SPAG17: variants seen among roughly 807,000 people sequenced by gnomAD.
SPAG17 encodes the protein sperm associated antigen 17.
In SPAG17, 169 loss-of-function variants were observed where a neutral mutation model predicts 273.6. The ratio of observed to expected loss-of-function variants is 0.62; its 90% CI spans 0.55 to 0.70. The LOEUF (loss-of-function observed/expected upper bound fraction) is 0.70. Among genes scored for constraint, SPAG17 ranks in the 30% least tolerant of loss-of-function variants. The pLI is 0.00. For missense variants in SPAG17, 2,557 were observed against 2,627.8 expected, an observed-to-expected ratio of 0.97 and a Z score of 0.59; for synonymous variants, 825 against 873.2, an observed-to-expected ratio of 0.94 and a Z score of 0.97.
intron 46 of SPAG17, among the ~76,000 whole-genome samples, chr1:117,967,296 CAAAAAAAA>C (rs5777330): frequency 1.2e-5 from 1 of 86,068 alleles, no homozygotes; most frequent in South Asian, 3.7e-4. Context: ...AACTCCATCT[CAAAAAAAA>C]AAAAAAAAAA....
At chr1:118,055,660 G>T in intron 19 of SPAG17, 73 bp downstream of exon 19, 1 of 1,248,496 alleles carries the variant, frequency 8.0e-7, no homozygotes, top group Non-Finnish European at 1.1e-6. Flanking sequence ...AATATTCACA[G>T]TCTTGATTAA....
chr1:118,173,055 TA>T lies in SPAG17; in HGVS notation c.87+12015del, dbSNP rs539529756. Among the ~76,000 whole-genome samples, 340 of 150,930 alleles carry T rather than the reference TA, an allele frequency of 2.3e-3. 1 individual carries two copies. Among genetic ancestry groups the T allele is most frequent in the Non-Finnish European group, 1.7e-3 (112 of 67,718 alleles). On this transcript the variant is annotated intron_variant, in intron 1 of 48. Transcript: ENST00000336338. ...AATGAAAAAGAAAATCAGAATTTAT[TA>T]AAAAAAAATCTTAGATCAGAGTGAC...
At chr1:117,973,799 G>A (rs1654836378) in intron 43 of SPAG17, among the ~76,000 whole-genome samples, 2 of 152,086 alleles carry the variant, frequency 1.3e-5, no homozygotes, top group Admixed American at 1.3e-4. Flanking sequence ...GTATGCGATA[G>A]GACATTTTTC....
chr1:118,050,208 C>T lies in SPAG17; in HGVS notation c.2814+3794G>A, dbSNP rs964604825. Among the ~76,000 whole-genome samples, 3 of 152,148 alleles carry T rather than the reference C, an allele frequency of 2.0e-5. No homozygotes were observed. In the South Asian group the frequency reaches 6.2e-4, roughly 32 times the overall value. On this transcript the variant is annotated intron_variant, in intron 20 of 48. Transcript: ENST00000336338. ...GAATCATGGGAGAAGTGATGCAAGA[C>T]CCTGGAAGTATGCCAACATTTAAAA...
intron 1 of SPAG17, among the ~76,000 whole-genome samples, chr1:118,166,706 T>C (rs571989949): frequency 9.8e-5 from 15 of 152,320 alleles, no homozygotes; most frequent in South Asian, 4.1e-4. Flanking sequence ...GTTTGAGCTA[T>C]TGCAGGTGCT....
chr1:118,150,542 C>A lies in SPAG17; in HGVS notation c.315+1G>T. On this transcript the variant is annotated splice_donor_variant, in intron 3 of 48. Coordinates refer to ENST00000336338, the MANE Select transcript of SPAG17 (RefSeq NM_206996.4). LOFTEE classifies it high-confidence loss of function. ...TATCTTCTATAAACACTTTCACTTA[C>A]CTCATAATATAAAGGAGCATTACCA... 6.6e-7 allele frequency: 1 copy of A among 1,514,390 alleles called. No homozygotes were observed. The highest frequency in any genetic ancestry group is 1.2e-5 in the South Asian group (1 of 82,120). 93.8% of individuals were successfully genotyped at this position (1,514,390 alleles called of 1,614,324 possible).
intron 18 of SPAG17, among the ~76,000 whole-genome samples, chr1:118,062,325 C>A (rs1652406933): frequency 7.4e-6 from 1 of 134,244 alleles, no homozygotes; most frequent in Non-Finnish European, 1.5e-5. Context: ...CGAGATCCCG[C>A]CACTGCACTC....
chr1:118,144,020 C>A (rs1328596640), intron 3 of SPAG17, among the ~76,000 whole-genome samples: 1 of 152,240 alleles, frequency 6.6e-6, no homozygotes, highest in Admixed American at 6.5e-5. Flanking sequence ...TGTCTACCTC[C>A]CCTCTCCTGG....
At chr1:118,022,900 C>A (rs1647279964) in intron 28 of SPAG17, among the ~76,000 whole-genome samples, 1 of 152,060 alleles carries the variant, frequency 6.6e-6, no homozygotes, top group South Asian at 2.1e-4. Context: ...GCCATCTTTT[C>A]TTGGAAGTTG....
chr1:118,067,278 G>A (rs1453836453), intron 17 of SPAG17, among the ~76,000 whole-genome samples: 2 of 152,162 alleles, frequency 1.3e-5, no homozygotes, highest in African/African-American at 4.8e-5. Context: ...TAGATGCTAT[G>A]AATTAAATTG....
chr1:118,086,704 A>G lies in SPAG17; in HGVS notation c.1578T>C (p.His526=), dbSNP rs749880236. 6.2e-7 allele frequency: 1 copy of G among 1,614,170 alleles called. No individual in the cohort carries two copies. The highest frequency in any genetic ancestry group is 8.5e-7 in the Non-Finnish European group (1 of 1,180,032). ...CGTACTTCTTGTGGGCGTGTGCATC[A>G]TGATAGTTCAGTAGGAGGGGGCCTT... ...VPKGPLLLNY[H]DAHAHKKYAL... is the part of the protein sequence containing the mutation. Residue 526 remains histidine (H), a synonymous_variant, in exon 12 of 49, where the codon CAT becomes CAC. Transcript: ENST00000336338.
intron 3 of SPAG17, among the ~76,000 whole-genome samples, chr1:118,141,788 TTTA>T (rs1658696623): frequency 6.6e-6 from 1 of 152,248 alleles, no homozygotes; most frequent in Non-Finnish European, 1.5e-5. Flanking sequence ...TTTAAAATTA[TTTA>T]TTTTAGAAAT....
At chr1:118,111,122 A>G (rs1334893785) in intron 4 of SPAG17, among the ~76,000 whole-genome samples, 3 of 152,190 alleles carry the variant, frequency 2.0e-5, no homozygotes, top group Non-Finnish European at 2.9e-5. Flanking sequence ...TGCTATAATC[A>G]TAGCTTTTCC....
At chr1:118,146,842 C>T (rs1659022947) in intron 3 of SPAG17, among the ~76,000 whole-genome samples, 1 of 152,140 alleles carries the variant, frequency 6.6e-6, no homozygotes. Flanking sequence ...GAGATTTTAT[C>T]TTTCCTTTTA....
intron 1 of SPAG17, among the ~76,000 whole-genome samples, chr1:118,165,321 G>GC (rs1176472114): frequency 6.6e-6 from 1 of 151,996 alleles, no homozygotes. Flanking sequence ...CCACTTGGGC[G>GC]CCCCTCTCTC....
intron 48 of SPAG17, chr1:117,961,338 ACCCAT>A (rs965695800): frequency 1.6e-4 from 25 of 152,120 alleles, no homozygotes; most frequent in Admixed American, 1.2e-3. Context: ...AGTGGTTAAA[ACCCAT>A]GTTCAACGGA....
rs758255502 is a variant in SPAG17, at chr1:118,081,106, G to C, written c.2204C>G (p.Ser735Cys). ...ACACACACACTTTAACTTACCCAGA[G>C]ACTCATGTTGGGGCTGAGCCTTCAT... ...SIMKAQPQHE[S>C]LEQTTNNEIK... Residue 735 changes from serine (S) to cysteine (C), a missense_variant, in exon 15 of 49, where the codon TCT becomes TGT. Ser to Cys is a moderately radical substitution (Grantham distance 112). Coordinates refer to ENST00000336338, the MANE Select transcript of SPAG17 (RefSeq NM_206996.4). 34 of 1,610,424 alleles carry C rather than the reference G, an allele frequency of 2.1e-5. No individual in the cohort carries two copies. In the South Asian group the frequency reaches 3.7e-4, roughly 18 times the overall value.
In SPAG17 at chr1:118,089,354, T is replaced by TGTGTGTGTGTGTGTGTGA. The variant is rs1207965049; in HGVS notation, c.1359+2251_1359+2252insTCACACACACACACACAC. Among the ~76,000 whole-genome samples, 283 of 150,740 alleles carry TGTGTGTGTGTGTGTGTGA rather than the reference T, an allele frequency of 1.9e-3. 1 individual carries two copies. The highest frequency in any genetic ancestry group is 6.6e-3 in the African/African-American group (270 of 41,034). On this transcript the variant is annotated intron_variant, in intron 10 of 48. Coordinates refer to ENST00000336338, the MANE Select transcript of SPAG17 (RefSeq NM_206996.4). Reference sequence around the variant, plus strand: ...TGACGTGTGTGTGTGTGTGTGTGTGTGGTGGCAGGTAGGAGGTGAGATGAC... The same window carrying TGTGTGTGTGTGTGTGTGA: ...TGACGTGTGTGTGTGTGTGTGTGTGTGTGTGTGTGTGTGTGTGAGGTGGCAGGTAGGAGGTGAGATGAC...
rs1395660625 is a variant in SPAG17, at chr1:118,008,123, G to A, written c.4508C>T (p.Ala1503Val). 6.2e-7 allele frequency: 1 copy of A among 1,614,030 alleles called. No homozygotes were observed. Among genetic ancestry groups the A allele is most frequent in the African/African-American group, 1.3e-5 (1 of 75,030 alleles). The change falls in exon 31 of 49, where the codon GCC becomes GTC. Residue 1503 changes from alanine (A) to valine (V), a missense_variant. Transcript: ENST00000336338. ...VESSRYATVI[A>V]NCEDSSCCAT... ...ACAGCAGCTACTGTCCTCACAGTTG[G>A]CGATAACAGTGGCATAGCGTGAGCT...
Sources: gnomAD v4.1 joint callset for allele counts (sites outside exome capture counted in the v4.1 genomes callset) on GRCh38, gnomAD v4.1.1 for gene constraint, MANE v1.5 for transcripts, NCBI Gene and HGNC (gene_info 2026-07-23, HGNC 2026-07-21) for gene names.